SMC3: variants seen among roughly 807,000 people sequenced by gnomAD.
SMC3 encodes structural maintenance of chromosomes protein 3.
Under a neutral mutation model 171.8 loss-of-function variants are expected in SMC3, and 20 were observed. The ratio of observed to expected loss-of-function variants is 0.12; its 90% confidence interval spans 0.08 to 0.17. The LOEUF (loss-of-function observed/expected upper bound fraction) is 0.17. SMC3 is among the 10% of genes least tolerant of loss of function. The pLI is 1.00. For synonymous variants in SMC3, 464 were observed against 451.1 expected, an observed-to-expected ratio of 1.03 and a Z score of -0.36; for missense variants, 543 against 1,420.4, an observed-to-expected ratio of 0.38 and a Z score of 9.93.
At chr10:110,568,626 T>C (rs1162741263) in intron 1 of SMC3, 1 of 350,238 alleles carries the variant, frequency 2.9e-6, no homozygotes, top group Non-Finnish European at 5.3e-6. Flanking sequence ...AGACTTGCTA[T>C]TGTACTGCAG....
chr10:110,581,824 A>T, intron 8 of SMC3, 99 bp from the exon 9 acceptor site: 1 of 1,069,596 alleles, frequency 9.3e-7, no homozygotes, highest in Non-Finnish European at 1.4e-6. Flanking sequence ...AAATAATGCT[A>T]CAGTTCTTAA....
chr10:110,589,235 A>G (rs577343555), intron 13 of SMC3, among the ~76,000 whole-genome samples: 193 of 152,302 alleles, frequency 1.3e-3, no homozygotes, highest in Middle Eastern at 0.01. Flanking sequence ...TAAAAATACA[A>G]AAAACAAAAA....
intron 3 of SMC3, 118 bp from the exon 4 acceptor site, chr10:110,575,218 A>T (rs878886613): frequency 1.3e-6 from 1 of 749,754 alleles, no homozygotes; most frequent in Non-Finnish European, 2.3e-6. Context: ...TATGAAACAG[A>T]TAATTTATTT....
intron 13 of SMC3, 142 bp from the exon 14 acceptor site, chr10:110,589,463 A>G (rs1861175226): frequency 9.4e-6 from 6 of 638,918 alleles, no homozygotes; most frequent in Non-Finnish European, 1.4e-5. Context: ...TTTATTACCC[A>G]AAAGCGTTTT....
intron 16 of SMC3, among the ~76,000 whole-genome samples, 192 bp downstream of exon 16, chr10:110,590,764 G>A (rs1365337514): frequency 6.6e-6 from 1 of 152,052 alleles, no homozygotes; most frequent in African/African-American, 2.4e-5. Flanking sequence ...TCTTTTGGGA[G>A]TTTCTCCCTC....
At chr10:110,571,667 T>C (rs1860875209) in intron 2 of SMC3, among the ~76,000 whole-genome samples, 6 of 152,188 alleles carry the variant, frequency 3.9e-5, no homozygotes, top group Admixed American at 3.9e-4. Context: ...TTTCCATTGA[T>C]TGGCAGCCAA....
At chr10:110,583,326 C>T in intron 10 of SMC3, 58 bp from the exon 11 acceptor site, 1 of 1,365,102 alleles carries the variant, frequency 7.3e-7, no homozygotes, top group Non-Finnish European at 1.0e-6. Flanking sequence ...TTAATGGTGT[C>T]ACAATTCTGC....
At chr10:110,581,487 G>A (rs1861028933) in intron 8 of SMC3, among the ~76,000 whole-genome samples, 1 of 151,920 alleles carries the variant, frequency 6.6e-6, no homozygotes, top group Non-Finnish European at 1.5e-5. Context: ...TCAAAGTGCT[G>A]GGATTACTCA....
At chr10:110,580,594 A>G (rs1057049716) in intron 7 of SMC3, among the ~76,000 whole-genome samples, 5 of 152,252 alleles carry the variant, frequency 3.3e-5, no homozygotes, top group Admixed American at 1.3e-4. Context: ...GCATGTCCCA[A>G]ATTCAAAAGT....
At chr10:110,582,430 T>G in intron 9 of SMC3, 132 bp from the exon 10 acceptor site, 1 of 721,118 alleles carries the variant, frequency 1.4e-6, no homozygotes, top group South Asian at 1.8e-5. Context: ...TTTAAAATCA[T>G]TTTTAAAATT....
rs199966664 is a variant in SMC3 at position 110,601,788 on chromosome 10, A to G, written c.2796A>G (p.Leu932=). 3.3e-5 allele frequency: 54 copies of G among 1,613,964 alleles called. 1 individual carries two copies. The Admixed American group carries it at 6.0e-4, about 18-fold the overall frequency. Residue 932 remains leucine, a synonymous_variant, in exon 24 of 29, where the codon CTA becomes CTG. Coordinates refer to ENST00000361804, the MANE Select transcript of SMC3 (RefSeq NM_005445.4). The part of the protein sequence containing the change: ...LEKMTNRQGM[L]LKKKEECMKK... ...AGATGACAAATCGGCAAGGCATGCTATTGAAGAAGAAAGAAGAGTGTATGA... is the reference window on the plus strand; with the variant it reads ...AGATGACAAATCGGCAAGGCATGCTGTTGAAGAAGAAAGAAGAGTGTATGA...
chr10:110,577,798 TATTAA>T, intron 5 of SMC3, 32 bp from the exon 6 acceptor site: 2 of 1,426,344 alleles, frequency 1.4e-6, no homozygotes, highest in Non-Finnish European at 2.0e-6. Flanking sequence ...TCTCCTTTAC[TATTAA>T]ATTAACTGTG....
rs781556692 is a variant in SMC3 at position 110,602,684 on chromosome 10, C to G, written c.3297+19C>G. ...AATTAGGGTAAAATACCTTTATATT[C>G]CATTTTCCTCAGAGCATTACCATAA... On this transcript the variant is annotated intron_variant, in intron 26 of 28. Coordinates refer to ENST00000361804, the MANE Select transcript of SMC3 (RefSeq NM_005445.4). 6.2e-7 allele frequency: 1 copy of G among 1,601,950 alleles called. No individual in the cohort carries two copies. The highest frequency in any genetic ancestry group is 1.1e-5 in the South Asian group (1 of 90,832).
At chr10:110,574,407 A>T (rs1860916812) in intron 3 of SMC3, among the ~76,000 whole-genome samples, 1 of 152,230 alleles carries the variant, frequency 6.6e-6, no homozygotes, top group Non-Finnish European at 1.5e-5. Flanking sequence ...AGGTTGAAAA[A>T]TTTGAACTTT....
intron 13 of SMC3, among the ~76,000 whole-genome samples, chr10:110,585,858 C>T (rs947384798): frequency 6.6e-6 from 1 of 151,788 alleles, no homozygotes; most frequent in Non-Finnish European, 1.5e-5. Context: ...AGTGCAGTGG[C>T]GCGATCTCGG....
chr10:110,573,852 A>G (rs1860908983), intron 3 of SMC3, 107 bp downstream of exon 3: 1 of 804,236 alleles, frequency 1.2e-6, no homozygotes, highest in Admixed American at 1.9e-5. Context: ...AACCCAAGAA[A>G]TACTTTATAT....
rs1861397214 is a variant in SMC3, at chr10:110,602,154, A to G, written c.3081A>G (p.Glu1027=). Residue 1027 remains glutamate (E), a synonymous_variant, in exon 25 of 29, where the codon GAA becomes GAG. Transcript: ENST00000361804. ...LMNVLELRKY[E]AIQLTFKQVS... is the part of the protein sequence containing the mutation. ...ATGTACTTGAACTTCGGAAATATGA[A>G]GCTATTCAGTTAACTTTCAAACAGG... is the stretch of plus-strand genomic sequence containing the variant. The G allele has an allele frequency of 1.2e-6, 2 of 1,613,650 alleles. No homozygotes were observed. Among genetic ancestry groups the G allele is most frequent in the African/African-American group, 2.7e-5 (2 of 75,050 alleles).
At chr10:110,604,024 G>A (rs1424549608) in intron 28 of SMC3, among the ~76,000 whole-genome samples, 1 of 150,342 alleles carries the variant, frequency 6.7e-6, no homozygotes, top group Non-Finnish European at 1.5e-5. Context: ...GAACCTGGGA[G>A]GCGGAGGTAG....
Position 110,594,643 on chromosome 10 carries a change from G to A in SMC3, c.1963+1420G>A, listed in dbSNP as rs566996919. Among the ~76,000 whole-genome samples, 5 of 152,074 alleles carry A rather than the reference G, an allele frequency of 3.3e-5. No homozygotes were observed. The South Asian group carries it at 6.2e-4, about 19-fold the overall frequency. On this transcript the variant is annotated intron_variant, in intron 18 of 28. Transcript: ENST00000361804. ...CCAGGTTAAGAACCTCCAGTATATA[G>A]GTTTAGTTTACCTGCCCTCAATTTT...
Sources: gnomAD v4.1 joint callset for allele counts (sites outside exome capture counted in the v4.1 genomes callset) on GRCh38, gnomAD v4.1.1 for gene constraint, MANE v1.5 for transcripts, NCBI Gene and HGNC (gene_info 2026-07-23, HGNC 2026-07-21) for gene names.